Variants in SAMMSON observed in about 807,000 individuals in gnomAD.
The protein encoded by SAMMSON is long intergenic non-protein coding RNA 1212.
intron 9 of SAMMSON, among the ~76,000 whole-genome samples, chr3:70,371,944 C>T (rs190990962): frequency 3.9e-5 from 6 of 152,138 alleles, no homozygotes; most frequent in Admixed American, 3.9e-4. Flanking sequence ...ATCTTTTCCC[C>T]ATTTTATGTG....
intron 4 of SAMMSON, among the ~76,000 whole-genome samples, chr3:70,246,899 T>A (rs1457601714): frequency 1.3e-5 from 2 of 152,066 alleles, no homozygotes; most frequent in Non-Finnish European, 2.9e-5. Context: ...ATAGAAATAA[T>A]ATTATATTTA....
intron 4 of SAMMSON, among the ~76,000 whole-genome samples, chr3:70,128,327 T>G (rs767888735): frequency 6.6e-6 from 1 of 152,154 alleles, no homozygotes; most frequent in Non-Finnish European, 1.5e-5. Flanking sequence ...AAGTTCACCT[T>G]GACGGTCCCT....
At chr3:70,080,981 T>G (rs1303609216) in intron 4 of SAMMSON, among the ~76,000 whole-genome samples, 2 of 152,190 alleles carry the variant, frequency 1.3e-5, no homozygotes, top group Non-Finnish European at 2.9e-5. Flanking sequence ...CAAAAGTTGT[T>G]TCTTTGAACG....
In SAMMSON at chr3:70,306,906, A is replaced by G. The variant is rs575694790; in HGVS notation, n.739+15663A>G. Among the ~76,000 whole-genome samples, 5 of 152,262 alleles carry G rather than the reference A, an allele frequency of 3.3e-5. No homozygotes were observed. In the South Asian group the frequency reaches 8.3e-4, roughly 25 times the overall value. ...TATGTATAAATATGTATGTATATGC[A>G]TATATATGTACATATATACACATTG... is the stretch of plus-strand genomic sequence containing the variant. On this transcript the variant is annotated intron_variant and non_coding_transcript_variant, in intron 7 of 9. Coordinates refer to ENST00000642114, the Ensembl canonical transcript of SAMMSON.
intron 4 of SAMMSON, among the ~76,000 whole-genome samples, chr3:70,168,707 T>G (rs1274935786): frequency 6.6e-6 from 1 of 151,988 alleles, no homozygotes. Context: ...TAGGCGTACG[T>G]GGAGTGGAGT....
chr3:70,314,386 A>G (rs1424393443), intron 7 of SAMMSON, among the ~76,000 whole-genome samples: 7 of 152,302 alleles, frequency 4.6e-5, no homozygotes, highest in African/African-American at 1.4e-4. Flanking sequence ...GCATAGTTAC[A>G]GTGTTTGATG....
rs556380556 is a variant in SAMMSON, at chr3:70,023,300, C to CA, written n.417+9639dup. ...CGAAACCCCGTCTCTAGTAAAAATA[C>CA]AAAAAAAAAAATTAGCCAGGCGTGG... is the stretch of plus-strand genomic sequence containing the variant. On this transcript the variant is annotated intron_variant and non_coding_transcript_variant, in intron 3 of 9. Transcript: ENST00000642114. Among the ~76,000 whole-genome samples, 1,349 of 143,940 alleles carry CA rather than the reference C, an allele frequency of 9.4e-3. 16 individuals are homozygous for CA. Among genetic ancestry groups the CA allele is most frequent in the African/African-American group, 0.031 (1,239 of 39,444 alleles). 94.4% of individuals were successfully genotyped at this position (143,940 alleles called of 152,430 possible).
intron 4 of SAMMSON, among the ~76,000 whole-genome samples, chr3:70,181,250 A>G (rs1245645692): frequency 1.3e-5 from 2 of 152,242 alleles, no homozygotes; most frequent in Non-Finnish European, 2.9e-5. Context: ...CTTGAAAGGC[A>G]AAGTGGCCAA....
At chr3:70,075,912 G>A (rs777622029) in intron 4 of SAMMSON, among the ~76,000 whole-genome samples, 5 of 145,540 alleles carry the variant, frequency 3.4e-5, no homozygotes, top group African/African-American at 5.1e-5. Flanking sequence ...TTCATTCTGA[G>A]GTAGTCCTAT....
intron 7 of SAMMSON, among the ~76,000 whole-genome samples, chr3:70,317,135 G>C (rs1044739283): frequency 1.3e-5 from 2 of 150,802 alleles, no homozygotes; most frequent in Non-Finnish European, 3.0e-5. Context: ...TCTCTCCTTT[G>C]TACTATTATT....
chr3:70,109,291 C>CCTAGACTGG (rs145116323), intron 4 of SAMMSON, among the ~76,000 whole-genome samples: 2,881 of 152,232 alleles, frequency 0.019, 92 homozygotes, highest in African/African-American at 0.064. Flanking sequence ...TAGTCACTCT[C>CCTAGACTGG]CTAGACTGGA....
chr3:70,110,459 T>A (rs1021458423), intron 4 of SAMMSON, among the ~76,000 whole-genome samples: 5 of 152,090 alleles, frequency 3.3e-5, no homozygotes, highest in African/African-American at 1.2e-4. Context: ...GGGGGTAGTG[T>A]GGAAATCAGT....
At chr3:70,165,160 A>G (rs1310016468) in intron 4 of SAMMSON, among the ~76,000 whole-genome samples, 1 of 152,052 alleles carries the variant, frequency 6.6e-6, no homozygotes, top group Non-Finnish European at 1.5e-5. Flanking sequence ...GTCCAGAAAA[A>G]CAAATCTCTT....
chr3:70,409,375 T>C (rs1021988351), intron 2 of SAMMSON, among the ~76,000 whole-genome samples: 1 of 151,264 alleles, frequency 6.6e-6, no homozygotes, highest in East Asian at 1.9e-4. Flanking sequence ...TATGACTAAA[T>C]AGAAAAACTT....
intron 7 of SAMMSON, among the ~76,000 whole-genome samples, chr3:70,310,567 T>G (rs1016002915): frequency 1.3e-5 from 2 of 152,060 alleles, no homozygotes; most frequent in African/African-American, 4.8e-5. Context: ...GGTTTCATCA[T>G]GTTGGCCAGG....
chr3:70,158,340 C>A (rs2067600408), intron 4 of SAMMSON, among the ~76,000 whole-genome samples: 1 of 152,068 alleles, frequency 6.6e-6, no homozygotes, highest in Non-Finnish European at 1.5e-5. Flanking sequence ...TTTCACTGAG[C>A]ATAATGTTTT....
intron 9 of SAMMSON, among the ~76,000 whole-genome samples, chr3:70,381,273 T>G (rs987374943): frequency 6.6e-6 from 1 of 152,150 alleles, no homozygotes; most frequent in Non-Finnish European, 1.5e-5. Flanking sequence ...TAAAGCCTAG[T>G]TGATGAGGGA....
intron 4 of SAMMSON, among the ~76,000 whole-genome samples, chr3:70,148,681 C>A (rs187672531): frequency 7.9e-5 from 12 of 152,106 alleles, no homozygotes; most frequent in Admixed American, 2.0e-4. Flanking sequence ...CTAACCTCTT[C>A]TTAACAACCA....
chr3:70,160,393 GT>G (rs1419462585), intron 4 of SAMMSON, among the ~76,000 whole-genome samples: 6 of 132,962 alleles, frequency 4.5e-5, no homozygotes, highest in Non-Finnish European at 6.3e-5. Flanking sequence ...TTTCTTTGCA[GT>G]TTTTTGCAGG....
Sources: gnomAD v4.1 joint callset for allele counts (sites outside exome capture counted in the v4.1 genomes callset) on GRCh38, gnomAD v4.1.1 for gene constraint, MANE v1.5 for transcripts, NCBI Gene and HGNC (gene_info 2026-07-23, HGNC 2026-07-21) for gene names.